LGSN: variants seen among roughly 807,000 people sequenced by gnomAD.
The protein encoded by LGSN is lengsin, lens protein with glutamine synthetase domain, also known as lengsin.
LGSN carries 21 observed loss-of-function variants against 19.5 expected under a neutral mutation model. That is an observed-to-expected ratio of 1.07 (90% CI 0.76 to 1.55). The LOEUF (loss-of-function observed/expected upper bound fraction) is 1.55. Among genes scored for constraint, LGSN ranks in the 40% most tolerant of loss-of-function variants. LGSN has a pLI of 0.00. For missense variants in LGSN, 673 were observed against 608.5 expected, an observed-to-expected ratio of 1.11 and a Z score of -1.12; for synonymous variants, 257 against 215.6, an observed-to-expected ratio of 1.19 and a Z score of -1.68.
chr6:63,487,280 A>G, the LGSN span, among the ~76,000 whole-genome samples: 3 of 152,250 alleles, frequency 2.0e-5, no homozygotes, highest in Non-Finnish European at 2.9e-5. Context: ...TGTCTTTATT[A>G]TCTTGATCAG....
At chr6:63,441,749 G>T in the LGSN span, 5 of 384,286 alleles carry the variant, frequency 1.3e-5, no homozygotes, top group South Asian at 6.7e-5. Context: ...ATCTAAGTCC[G>T]AATCCTGCCC....
chr6:63,293,675 T>G (rs766527649), intron 2 of LGSN: 11 of 452,316 alleles, frequency 2.4e-5, no homozygotes, highest in Middle Eastern at 3.3e-4. Flanking sequence ...TACCAGAGTT[T>G]GGGTTAAATT....
At chr6:63,569,590 AGTCTT>A in the LGSN span, among the ~76,000 whole-genome samples, 122 of 152,312 alleles carry the variant, frequency 8.0e-4, no homozygotes, top group Middle Eastern at 3.4e-3. Context: ...ATATTCTTCT[AGTCTT>A]ATTTCCCAAC....
chr6:63,441,648 A>T, the LGSN span: 1 of 483,060 alleles, frequency 2.1e-6, no homozygotes, highest in Non-Finnish European at 4.0e-6. Flanking sequence ...AAGGCAGAGG[A>T]GAAAGAGTGC....
chr6:63,335,811 C>T, the LGSN span, among the ~76,000 whole-genome samples: 1 of 152,096 alleles, frequency 6.6e-6, no homozygotes, highest in Non-Finnish European at 1.5e-5. Flanking sequence ...AGCCATCCCA[C>T]TATTGGGTAT....
At chr6:63,314,370 A>C (rs145593248) in intron 1 of LGSN, among the ~76,000 whole-genome samples, 2 of 152,314 alleles carry the variant, frequency 1.3e-5, no homozygotes, top group Non-Finnish European at 2.9e-5. Flanking sequence ...AGAGGCTTTA[A>C]CTTGGACTTA....
At chr6:63,557,690 TCA>T in the LGSN span, among the ~76,000 whole-genome samples, 2 of 152,062 alleles carry the variant, frequency 1.3e-5, no homozygotes, top group Admixed American at 1.3e-4. Flanking sequence ...ATGTTAGAAA[TCA>T]CAGTTGGTTT....
chr6:63,429,735 CAA>C, the LGSN span, among the ~76,000 whole-genome samples: 182 of 124,538 alleles, frequency 1.5e-3, no homozygotes, highest in Middle Eastern at 4.2e-3. Context: ...GACTCCATCT[CAA>C]AAAAAAAAAA....
chr6:63,382,592 GATACAGGTTTCTCAC>G, the LGSN span, among the ~76,000 whole-genome samples: 1 of 152,164 alleles, frequency 6.6e-6, no homozygotes, highest in Admixed American at 6.5e-5. Context: ...ACCATTGAGA[GATACAGGTTTCTCAC>G]TGTCTCAGAA....
At chr6:63,523,166 G>A in the LGSN span, among the ~76,000 whole-genome samples, 1 of 151,756 alleles carries the variant, frequency 6.6e-6, no homozygotes, top group African/African-American at 2.4e-5. Context: ...GTACCCAGCC[G>A]AATCACTCTT....
chr6:63,360,095 A>AT, the LGSN span, among the ~76,000 whole-genome samples: 2 of 151,988 alleles, frequency 1.3e-5, no homozygotes, highest in Non-Finnish European at 2.9e-5. Flanking sequence ...TGCTCTTAAC[A>AT]TTTTTTCCTT....
chr6:63,440,458 T>C, the LGSN span, among the ~76,000 whole-genome samples: 1 of 152,314 alleles, frequency 6.6e-6, no homozygotes, highest in East Asian at 1.9e-4. Flanking sequence ...CCCTATAATG[T>C]GTCTGTCTGC....
At chr6:63,443,106 G>A in the LGSN span, among the ~76,000 whole-genome samples, 1 of 152,232 alleles carries the variant, frequency 6.6e-6, no homozygotes, top group African/African-American at 2.4e-5. Context: ...GGTGGCTGAG[G>A]CCTGGTAAGA....
chr6:63,419,966 G>A, the LGSN span, among the ~76,000 whole-genome samples: 32 of 144,196 alleles, frequency 2.2e-4, no homozygotes, highest in Middle Eastern at 4.0e-3. Context: ...AGCACTTTGG[G>A]AGGCTGAGGC....
chr6:63,528,167 T>C, the LGSN span: 1 of 152,150 alleles, frequency 6.6e-6, no homozygotes, highest in Non-Finnish European at 1.5e-5. Context: ...CTACATATAT[T>C]GGTTCATAAA....
At chr6:63,312,538 G>A (rs558326657) in intron 1 of LGSN, among the ~76,000 whole-genome samples, 20 of 152,152 alleles carry the variant, frequency 1.3e-4, no homozygotes, top group East Asian at 7.7e-4. Flanking sequence ...TAGAGCTTTC[G>A]TCCATGTATA....
At chr6:63,412,653 AG>A in the LGSN span, among the ~76,000 whole-genome samples, 1 of 137,358 alleles carries the variant, frequency 7.3e-6, no homozygotes, top group Admixed American at 7.1e-5. Flanking sequence ...AAGGGAAGGA[AG>A]GGAAGGAAAG....
chr6:63,321,976 C>G (rs1347920170), upstream of LGSN, among the ~76,000 whole-genome samples: 6 of 152,158 alleles, frequency 3.9e-5, no homozygotes, highest in African/African-American at 1.4e-4. Context: ...AAGTTGTAAT[C>G]TAATTGAATG....
chr6:63,506,226 T>C, the LGSN span, among the ~76,000 whole-genome samples: 4 of 109,704 alleles, frequency 3.6e-5, no homozygotes, highest in African/African-American at 1.8e-4. Context: ...AGGAGATAAG[T>C]TCTTCTTGTT....
Sources: gnomAD v4.1 joint callset for allele counts (sites outside exome capture counted in the v4.1 genomes callset) on GRCh38, gnomAD v4.1.1 for gene constraint, MANE v1.5 for transcripts, NCBI Gene and HGNC (gene_info 2026-07-23, HGNC 2026-07-21) for gene names.